KLF12: variants seen among roughly 807,000 people sequenced by gnomAD.
The protein encoded by KLF12 is KLF transcription factor 12.
In KLF12, 9 loss-of-function variants were observed where a neutral mutation model predicts 37.8. The observed-to-expected ratio is 0.24, with a 90% CI of 0.14 to 0.42. The LOEUF is 0.42. Among genes scored for constraint, KLF12 ranks in the 10% least tolerant of loss-of-function variants. The pLI is 1.00. For missense variants in KLF12, 411 were observed against 516.0 expected, an observed-to-expected ratio of 0.80 and a Z score of 1.97; for synonymous variants, 208 against 202.1, an observed-to-expected ratio of 1.03 and a Z score of -0.25.
At chr13:74,269,644 A>G in the KLF12 span, among the ~76,000 whole-genome samples, 3 of 152,182 alleles carry the variant, frequency 2.0e-5, no homozygotes. Context: ...TTAATTAGTG[A>G]AGGAGTTATA....
intron 3 of KLF12, among the ~76,000 whole-genome samples, chr13:73,937,525 A>G (rs1265297531): frequency 6.6e-6 from 1 of 152,202 alleles, no homozygotes; most frequent in East Asian, 1.9e-4. Context: ...ATTCTCTTCA[A>G]CTAATGAGAC....
chr13:73,990,127 A>G (rs921996897), intron 2 of KLF12, among the ~76,000 whole-genome samples: 2 of 152,206 alleles, frequency 1.3e-5, no homozygotes, highest in African/African-American at 4.8e-5. Flanking sequence ...GAGTGAAATT[A>G]AAAAGTTAAA....
At chr13:74,265,501 G>A in the KLF12 span, among the ~76,000 whole-genome samples, 3 of 152,190 alleles carry the variant, frequency 2.0e-5, no homozygotes, top group Non-Finnish European at 2.9e-5. Context: ...GTTTTCTGGT[G>A]TAAATATATT....
upstream of KLF12, among the ~76,000 whole-genome samples, chr13:74,136,755 C>T (rs1878568330): frequency 6.7e-6 from 1 of 149,714 alleles, no homozygotes. Flanking sequence ...AGGTTAGTAT[C>T]TAGAGTCTGG....
At chr13:74,049,360 T>C (rs949738094) in intron 1 of KLF12, among the ~76,000 whole-genome samples, 2 of 152,138 alleles carry the variant, frequency 1.3e-5, no homozygotes, top group African/African-American at 4.8e-5. Flanking sequence ...AGCCCTAGAC[T>C]CAAGCCTAAA....
At chr13:74,208,754 T>A in the KLF12 span, among the ~76,000 whole-genome samples, 2 of 152,062 alleles carry the variant, frequency 1.3e-5, no homozygotes, top group Non-Finnish European at 2.9e-5. Context: ...ATGGGAGGAC[T>A]GTTTGAGGCC....
At chr13:74,238,926 G>A in the KLF12 span, among the ~76,000 whole-genome samples, 5 of 149,768 alleles carry the variant, frequency 3.3e-5, no homozygotes, top group Non-Finnish European at 6.0e-5. Context: ...AGGGTTTTTT[G>A]TGTCTCTATT....
chr13:74,158,251 G>T, the KLF12 span, among the ~76,000 whole-genome samples: 1 of 152,180 alleles, frequency 6.6e-6, no homozygotes, highest in Admixed American at 6.5e-5. Flanking sequence ...CACATGTGCG[G>T]CTGCAGGATG....
At chr13:74,165,311 T>C in the KLF12 span, among the ~76,000 whole-genome samples, 1 of 147,264 alleles carries the variant, frequency 6.8e-6, no homozygotes, top group Non-Finnish European at 1.5e-5. Flanking sequence ...TTTTTTTTTT[T>C]TTTTTTTGAG....
chr13:74,167,311 A>G, the KLF12 span, among the ~76,000 whole-genome samples: 1 of 152,172 alleles, frequency 6.6e-6, no homozygotes, highest in South Asian at 2.1e-4. Flanking sequence ...TTTTGCTTCT[A>G]GAGGTCAAAG....
At chr13:74,106,871 G>C (rs780776838) in intron 1 of KLF12, among the ~76,000 whole-genome samples, 15 of 150,790 alleles carry the variant, frequency 9.9e-5, no homozygotes, top group Non-Finnish European at 1.3e-4. Flanking sequence ...ATCTTGGTAA[G>C]AAAGTCAGGT....
chr13:74,116,188 C>T lies in KLF12; in HGVS notation c.-32+17551G>A, dbSNP rs551431610. On this transcript the variant is annotated intron_variant, in intron 1 of 7. Transcript: ENST00000377669. ...GAACCACTGAGGCATAGCCAGAAAGCTTCACCAGCATTTTTTTTACTAAGA... is the reference window on the plus strand; with the variant it reads ...GAACCACTGAGGCATAGCCAGAAAGTTTCACCAGCATTTTTTTTACTAAGA... Among the ~76,000 whole-genome samples the T allele has an allele frequency of 3.9e-5, 6 of 152,302 alleles. No homozygotes were observed. The South Asian group carries it at 1.2e-3, about 32-fold the overall frequency.
intron 2 of KLF12, among the ~76,000 whole-genome samples, chr13:73,962,481 C>T (rs4885137): frequency 0.72 from 110,212 of 152,044 alleles, 40,757 homozygotes; most frequent in East Asian, 0.88. Context: ...CTATGGACTT[C>T]GAATCACAAT....
rs1190929889 is a variant in KLF12 at position 73,928,726 on chromosome 13, A to C, written c.123+15255T>G. ...TTACCTAACATGCTTTTGGCATTTA[A>C]GTTGCCACTTTGTATCACAAAAAAA... On this transcript the variant is annotated intron_variant, in intron 3 of 7. Coordinates refer to ENST00000377669, the MANE Select transcript of KLF12 (RefSeq NM_007249.5). Among the ~76,000 whole-genome samples the C allele has an allele frequency of 2.0e-5, 3 of 152,234 alleles. No individual in the cohort carries two copies. The South Asian group carries it at 6.2e-4, about 31-fold the overall frequency.
rs574929084 is a variant in KLF12, at chr13:73,780,076, G to A, written c.807-15076C>T. 1.2e-4 allele frequency among the ~76,000 whole-genome samples: 18 copies of A among 152,308 alleles called. No individual in the cohort carries two copies. The East Asian group carries it at 3.1e-3, about 26-fold the overall frequency. ...ACTGTAGATGTGGTAGAAATAGCAA[G>A]AGAACTAGAGTTAAAAGTGGGGCCT... On this transcript the variant is annotated intron_variant, in intron 5 of 7. Coordinates refer to ENST00000377669, the MANE Select transcript of KLF12 (RefSeq NM_007249.5).
the KLF12 span, among the ~76,000 whole-genome samples, chr13:74,291,562 T>G: frequency 5.5e-3 from 839 of 152,206 alleles, 4 homozygotes; most frequent in Non-Finnish European, 9.1e-3. Flanking sequence ...GTTAATCCAG[T>G]CCACAGGCAG....
intron 5 of KLF12, among the ~76,000 whole-genome samples, chr13:73,788,007 T>C (rs1224195529): frequency 1.3e-5 from 2 of 152,114 alleles, no homozygotes; most frequent in Non-Finnish European, 2.9e-5. Context: ...TTTTAGGTAA[T>C]AAAAACACAC....
intron 1 of KLF12, among the ~76,000 whole-genome samples, chr13:74,039,370 T>C (rs1893343509): frequency 6.6e-6 from 1 of 151,132 alleles, no homozygotes; most frequent in Non-Finnish European, 1.5e-5. Context: ...ACCCCATCTC[T>C]ACCAAAAGAA....
chr13:73,880,542 C>T (rs1485226505), intron 3 of KLF12, among the ~76,000 whole-genome samples: 2 of 152,188 alleles, frequency 1.3e-5, no homozygotes, highest in Non-Finnish European at 2.9e-5. Context: ...CTGCTACTTC[C>T]TGCTGCTTCC....
Sources: gnomAD v4.1 joint callset for allele counts (sites outside exome capture counted in the v4.1 genomes callset) on GRCh38, gnomAD v4.1.1 for gene constraint, MANE v1.5 for transcripts, NCBI Gene and HGNC (gene_info 2026-07-23, HGNC 2026-07-21) for gene names.